NCEH1: variants seen among roughly 807,000 people sequenced by gnomAD.
The protein encoded by NCEH1 is neutral cholesterol ester hydrolase 1.
In NCEH1, 9 loss-of-function variants were observed where a neutral mutation model predicts 25.4. The observed-to-expected ratio is 0.35, with a 90% CI of 0.21 to 0.62. The LOEUF is 0.62. NCEH1 is among the 20% of genes least tolerant of loss of function. The pLI, the probability that NCEH1 is intolerant of heterozygous loss-of-function variation, is 0.72. For synonymous variants in NCEH1, 200 were observed against 199.8 expected (o/e 1.00, Z -0.01); for missense variants, 412 against 501.1 (o/e 0.82, Z 1.70).
In NCEH1 at chr3:172,710,917, A is replaced by G; in HGVS notation, c.68T>C (p.Leu23Pro). The change falls in exon 1 of 5, where the codon CTG becomes CCG. Residue 23 changes from leucine to proline, a missense_variant. Physicochemically the swap from Leu to Pro is moderately conservative, Grantham distance 98. Around this residue, in one of 3 missense-constraint regions of NCEH1, gnomAD observed 178 missense variants for 189.2 expected, o/e 0.94. Transcript: ENST00000475381. ...CCAGGGGTCGGACACGGAGCCAGGC[A>G]GCGGGATGTAGACGTAATAGGCGGC... ...ALAAYYVYIPLPGSVSDPWKL... is the reference protein window; with the variant it reads ...ALAAYYVYIPPPGSVSDPWKL... 3 of 1,614,098 alleles carry G rather than the reference A, an allele frequency of 1.9e-6. No homozygotes were observed. The highest frequency in any genetic ancestry group is 2.2e-5 in the South Asian group (2 of 91,090).
intron 1 of NCEH1, among the ~76,000 whole-genome samples, chr3:172,666,572 T>A (rs893747692): frequency 6.6e-6 from 1 of 152,174 alleles, no homozygotes; most frequent in African/African-American, 2.4e-5. Flanking sequence ...ATTACATGTG[T>A]GTCTGTGTCA....
chr3:172,633,901 G>T lies in NCEH1; in HGVS notation c.801C>A (p.Ile267=), dbSNP rs375246483. 1.5e-5 allele frequency: 25 copies of T among 1,614,044 alleles called. No homozygotes were observed. The African/African-American group carries it at 2.5e-4, about 16-fold the overall frequency. The part of the protein sequence containing the change: ...KGNYDFVQAM[I]VNNHTSLDVE... ...CATCAAGTGAAGTGTGATTGTTAAC[G>T]ATCATTGCCTGCACAAAGTCATAGT... is the stretch of plus-strand genomic sequence containing the variant. Residue 267 remains isoleucine, a synonymous_variant, in exon 5 of 5, where the codon ATC becomes ATA. Coordinates refer to ENST00000475381, the MANE Select transcript of NCEH1 (RefSeq NM_020792.6).
At chr3:172,706,489 T>C (rs1193315176) in intron 1 of NCEH1, among the ~76,000 whole-genome samples, 1 of 150,174 alleles carries the variant, frequency 6.7e-6, no homozygotes, top group Admixed American at 6.6e-5. Context: ...TTTACTGTTC[T>C]TACATTTTTC....
intron 1 of NCEH1, among the ~76,000 whole-genome samples, chr3:172,668,348 ATTTTTTTTTTTTTTTT>A (rs1200625132): frequency 1.3e-5 from 1 of 78,980 alleles, no homozygotes; most frequent in African/African-American, 5.2e-5. Context: ...AAAAGGAAGC[ATTTTTTTTTTTTTTTT>A]TTTTTTTTTT....
chr3:172,653,647 C>T (rs1717518356), intron 1 of NCEH1, among the ~76,000 whole-genome samples: 2 of 152,054 alleles, frequency 1.3e-5, no homozygotes, highest in South Asian at 4.1e-4. Flanking sequence ...AGATGATGTC[C>T]CATCATAGGT....
At chr3:172,663,720 CTTCT>C (rs1423742439) in intron 1 of NCEH1, among the ~76,000 whole-genome samples, 15 of 152,152 alleles carry the variant, frequency 9.9e-5, no homozygotes, top group South Asian at 8.3e-4. Context: ...ATGTAATGGC[CTTCT>C]TTGTCTCTTT....
At chr3:172,636,684 G>C (rs1268458769) in intron 3 of NCEH1, among the ~76,000 whole-genome samples, 1 of 152,200 alleles carries the variant, frequency 6.6e-6, no homozygotes, top group Non-Finnish European at 1.5e-5. Flanking sequence ...AAGTTTTCCA[G>C]ACGGCCTAGA....
chr3:172,685,389 T>C (rs905074680), intron 1 of NCEH1, among the ~76,000 whole-genome samples: 1 of 152,190 alleles, frequency 6.6e-6, no homozygotes, highest in Non-Finnish European at 1.5e-5. Context: ...TCTTCATACA[T>C]CTTTCTTCAA....
At chr3:172,688,073 G>A (rs542879017) in intron 1 of NCEH1, among the ~76,000 whole-genome samples, 20 of 151,934 alleles carry the variant, frequency 1.3e-4, no homozygotes, top group South Asian at 4.2e-4. Flanking sequence ...AGTGGCTCAC[G>A]CCTGTAAACC....
At chr3:172,663,267 A>G (rs1718050567) in intron 1 of NCEH1, among the ~76,000 whole-genome samples, 1 of 152,010 alleles carries the variant, frequency 6.6e-6, no homozygotes, top group African/African-American at 2.4e-5. Context: ...GTAGTTGAGT[A>G]GTTTTGAGTG....
rs34888694 is a variant in NCEH1, at chr3:172,689,251, CTTTTTTTT to C, written c.138+21588_138+21595del. Among the ~76,000 whole-genome samples, 3 of 80,938 alleles carry C rather than the reference CTTTTTTTT, an allele frequency of 3.7e-5. No individual in the cohort carries two copies. In the South Asian group the frequency reaches 1.5e-3, roughly 41 times the overall value. The allele number at this position is 80,938 out of a possible 152,430, so 53.1% of individuals were successfully genotyped here. A position where few individuals can be genotyped will look rare whatever the true frequency, so the allele number is the denominator to read the frequency against. ...TACCTCATGAAATGACTTGGAGTAA[CTTTTTTTT>C]TTTTTTTTTTTTTTTTGGGATGGAG... On this transcript the variant is annotated intron_variant, in intron 1 of 4. Coordinates refer to ENST00000475381, the MANE Select transcript of NCEH1 (RefSeq NM_020792.6).
intron 1 of NCEH1, among the ~76,000 whole-genome samples, chr3:172,698,881 AAC>A (rs1480845633): frequency 3.9e-5 from 6 of 152,260 alleles, no homozygotes; most frequent in Admixed American, 1.3e-4. Flanking sequence ...CAGACGCGGT[AAC>A]ACAGTGATAA....
chr3:172,674,541 C>CAA, intron 1 of NCEH1, among the ~76,000 whole-genome samples: 1 of 150,584 alleles, frequency 6.6e-6, no homozygotes, highest in Admixed American at 6.6e-5. Flanking sequence ...CCTTTCCTGT[C>CAA]AAAATTTGCT....
chr3:172,678,642 G>A (rs915702756), intron 1 of NCEH1, among the ~76,000 whole-genome samples: 16 of 152,164 alleles, frequency 1.1e-4, no homozygotes, highest in Non-Finnish European at 4.4e-5. Flanking sequence ...TCCACCACAA[G>A]GAAAAGGGTC....
At chr3:172,647,850 A>G (rs1385790996) in intron 2 of NCEH1, 36 bp downstream of exon 2, 1 of 1,612,166 alleles carries the variant, frequency 6.2e-7, no homozygotes, top group South Asian at 1.1e-5. Context: ...AAGGCCAACC[A>G]CAACAACAAA....
At chr3:172,679,500 GCACACC>G (rs1299239124) in intron 1 of NCEH1, among the ~76,000 whole-genome samples, 1 of 150,734 alleles carries the variant, frequency 6.6e-6, no homozygotes, top group African/African-American at 2.4e-5. Context: ...TGTATGTACC[GCACACC>G]CATCGTTTAG....
At chr3:172,644,849 A>G (rs1022329158) in intron 3 of NCEH1, among the ~76,000 whole-genome samples, 15 of 152,222 alleles carry the variant, frequency 9.9e-5, no homozygotes, top group Non-Finnish European at 2.1e-4. Context: ...TACAATAAAC[A>G]TAATAAGTCA....
At chr3:172,669,025 A>G (rs1718359965) in intron 1 of NCEH1, among the ~76,000 whole-genome samples, 1 of 152,032 alleles carries the variant, frequency 6.6e-6, no homozygotes, top group Non-Finnish European at 1.5e-5. Flanking sequence ...AGTATACAAA[A>G]GAGTAGTTTC....
rs140094422 is a variant in NCEH1 at position 172,684,112 on chromosome 3, C to T, written c.138+26735G>A. On this transcript the variant is annotated intron_variant, in intron 1 of 4. Transcript: ENST00000475381. ...ATTGTTCTTTCTTTGAAGCTAGGCA[C>T]CCATTCACGTAGGTCATGAGGAAAA... Among the ~76,000 whole-genome samples, 425 of 152,290 alleles carry T rather than the reference C, an allele frequency of 2.8e-3. 3 individuals carry two copies. The highest frequency in any genetic ancestry group is 9.9e-3 in the African/African-American group (411 of 41,562).
Sources: allele counts gnomAD v4.1 joint callset (sites outside exome capture counted in the v4.1 genomes callset), GRCh38; gene constraint gnomAD v4.1.1; regional missense constraint gnomAD v4.1.1; transcripts MANE v1.5; gene names NCBI Gene and HGNC (gene_info 2026-07-23, HGNC 2026-07-21).